Variants in CCSER2 observed in about 807,000 individuals in gnomAD.
The protein encoded by CCSER2 is coiled-coil serine rich protein 2, also known as serine-rich coiled-coil domain-containing protein 2.
A neutral mutation model predicts 92.3 loss-of-function variants in CCSER2; 46 were observed. That is an observed-to-expected ratio of 0.50 (90% CI 0.39 to 0.64). CCSER2 has a LOEUF of 0.64. Ranked by LOEUF, CCSER2 falls within the 30% of genes least tolerant of loss-of-function variation. The pLI is 0.00. For missense variants in CCSER2, 1,244 were observed against 1,238.9 expected (o/e 1.00, Z -0.06); for synonymous variants, 433 against 431.4 (o/e 1.00, Z -0.04).
intron 3 of CCSER2, among the ~76,000 whole-genome samples, chr10:84,388,495 A>G (rs1841347713): frequency 1.3e-5 from 2 of 152,214 alleles, no homozygotes; most frequent in South Asian, 4.1e-4. Context: ...AAAGTGATGC[A>G]GAAACCAGTG....
At chr10:84,380,429 T>C (rs1224103448) in intron 3 of CCSER2, among the ~76,000 whole-genome samples, 1 of 152,182 alleles carries the variant, frequency 6.6e-6, no homozygotes. Flanking sequence ...TCTGTTTTGT[T>C]TTTTGTATCT....
intron 1 of CCSER2, among the ~76,000 whole-genome samples, chr10:84,351,140 C>CT (rs1422267130): frequency 2.0e-5 from 3 of 152,050 alleles, no homozygotes; most frequent in Non-Finnish European, 2.9e-5. Context: ...ATAGCTGACT[C>CT]TGTGTGTGTA....
rs2132942980 is a variant in CCSER2, at chr10:84,328,783, C to G, written c.-65C>G. On this transcript the variant is annotated 5_prime_UTR_variant, in exon 1 of 10. Transcript: ENST00000372088. ...GGGCGGCCTGCAGCTGGGCCGCGGC[C>G]GAGGAGGCAGCGCGACCTCCGCACG... is the stretch of plus-strand genomic sequence containing the variant. 6.6e-6 allele frequency: 1 copy of G among 151,356 alleles called. No individual in the cohort carries two copies. Among genetic ancestry groups the G allele is most frequent in the East Asian group, 2.0e-4 (1 of 5,090 alleles). 9.4% of individuals were successfully genotyped at this position (151,356 alleles called of 1,614,324 possible).
chr10:84,338,058 A>G (rs1226982162), intron 1 of CCSER2, among the ~76,000 whole-genome samples: 1 of 152,140 alleles, frequency 6.6e-6, no homozygotes, highest in African/African-American at 2.4e-5. Flanking sequence ...AGGCAGTTGG[A>G]TCACCTGAGG....
chr10:84,417,551 A>T (rs1237002603), intron 3 of CCSER2, among the ~76,000 whole-genome samples: 2 of 152,174 alleles, frequency 1.3e-5, no homozygotes, highest in Non-Finnish European at 1.5e-5. Flanking sequence ...TCTATTGGGG[A>T]GGAAAGACTA....
chr10:84,423,802 A>C (rs544651173), intron 4 of CCSER2, among the ~76,000 whole-genome samples: 85 of 152,232 alleles, frequency 5.6e-4, no homozygotes, highest in African/African-American at 1.8e-3. Flanking sequence ...AATATAATAC[A>C]AATATGAATT....
At chr10:84,507,504 A>C (rs955858886) in intron 9 of CCSER2, among the ~76,000 whole-genome samples, 1 of 152,076 alleles carries the variant, frequency 6.6e-6, no homozygotes, top group African/African-American at 2.4e-5. Flanking sequence ...TAATAATAAC[A>C]ATAAACTTGT....
intron 8 of CCSER2, among the ~76,000 whole-genome samples, chr10:84,476,899 G>T (rs1035948436): frequency 2.6e-5 from 4 of 152,096 alleles, no homozygotes; most frequent in African/African-American, 9.7e-5. Flanking sequence ...TTGTCAAAGG[G>T]CTGACACTCT....
intron 5 of CCSER2, among the ~76,000 whole-genome samples, chr10:84,437,423 A>G (rs1354312026): frequency 6.6e-6 from 1 of 152,038 alleles, no homozygotes; most frequent in Non-Finnish European, 1.5e-5. Flanking sequence ...TTGAGGCAGG[A>G]GAATCGCTTG....
At chr10:84,382,986 G>A (rs1362730631) in intron 3 of CCSER2, among the ~76,000 whole-genome samples, 2 of 152,102 alleles carry the variant, frequency 1.3e-5, no homozygotes, top group African/African-American at 2.4e-5. Context: ...CTAGATTTGG[G>A]TTTCTACCTT....
rs981220300 is a variant in CCSER2, at chr10:84,328,603, C to A, written c.-245C>A. 6.7e-6 allele frequency: 1 copy of A among 150,306 alleles called. No individual in the cohort carries two copies. Among genetic ancestry groups the A allele is most frequent in the African/African-American group, 2.4e-5 (1 of 41,088 alleles). The allele number at this position is 150,306 out of a possible 1,614,324, so 9.3% of individuals were successfully genotyped here. A position where few individuals can be genotyped will look rare whatever the true frequency, so the allele number is the denominator to read the frequency against. On this transcript the variant is annotated 5_prime_UTR_variant, in exon 1 of 10. Transcript: ENST00000372088. ...CCCTGGAGGGCGGAGTCCGGGCGGG[C>A]GCCGGCCGAGGGAGGGGGCGCGGCG...
chr10:84,390,664 A>G (rs1815408706), intron 3 of CCSER2, among the ~76,000 whole-genome samples: 1 of 152,168 alleles, frequency 6.6e-6, no homozygotes, highest in Non-Finnish European at 1.5e-5. Context: ...AAATGTTGTT[A>G]TATGGTGCAC....
chr10:84,485,378 TTC>T (rs1239130419), intron 9 of CCSER2, among the ~76,000 whole-genome samples: 2 of 152,246 alleles, frequency 1.3e-5, no homozygotes, highest in Non-Finnish European at 2.9e-5. Context: ...CATTCTCACT[TTC>T]TCTCACCATT....
intron 3 of CCSER2, chr10:84,374,119 G>A (rs979810124): frequency 4.0e-6 from 2 of 500,668 alleles, no homozygotes; most frequent in Non-Finnish European, 6.5e-6. Flanking sequence ...GGAGGTCAAT[G>A]ACTGGAGGTG....
At chr10:84,447,786 A>G (rs549291954) in intron 6 of CCSER2, among the ~76,000 whole-genome samples, 1 of 152,244 alleles carries the variant, frequency 6.6e-6, no homozygotes, top group African/African-American at 2.4e-5. Context: ...TTCAGGGCTT[A>G]AAGTGTGAAG....
intron 8 of CCSER2, among the ~76,000 whole-genome samples, chr10:84,471,446 TTTTTACAAAAA>T (rs146554913): frequency 6.6e-6 from 1 of 152,236 alleles, no homozygotes; most frequent in African/African-American, 2.4e-5. Flanking sequence ...TAAGCTTCGA[TTTTTACAAAAA>T]TATATTACAG....
intron 6 of CCSER2, among the ~76,000 whole-genome samples, chr10:84,457,581 TTA>T (rs1365048957): frequency 7.9e-5 from 1 of 12,592 alleles, no homozygotes; most frequent in Non-Finnish European, 1.5e-4. Flanking sequence ...TATTTATATA[TTA>T]TATATAATTA....
At chr10:84,422,172 A>C (rs1488603330) in intron 4 of CCSER2, among the ~76,000 whole-genome samples, 1 of 152,228 alleles carries the variant, frequency 6.6e-6, no homozygotes, top group African/African-American at 2.4e-5. Context: ...ACAGGAGGAT[A>C]GGTAGATCTG....
intron 1 of CCSER2, among the ~76,000 whole-genome samples, chr10:84,340,095 G>T (rs533888881): frequency 6.6e-6 from 1 of 151,880 alleles, no homozygotes; most frequent in South Asian, 2.1e-4. Flanking sequence ...CTCCTGCCTC[G>T]GCCTCCCAAA....
Sources: allele counts gnomAD v4.1 joint callset (sites outside exome capture counted in the v4.1 genomes callset), GRCh38; gene constraint gnomAD v4.1.1; transcripts MANE v1.5; gene names NCBI Gene and HGNC (gene_info 2026-07-23, HGNC 2026-07-21).